Variants in ABI3BP observed in about 807,000 individuals in gnomAD.
The protein encoded by ABI3BP is ABI family member 3 binding protein, also known as target of Nesh-SH3.
A neutral mutation model predicts 268.6 loss-of-function variants in ABI3BP; 216 were observed. That is an observed-to-expected ratio of 0.80 (90% CI 0.72 to 0.90). The LOEUF (loss-of-function observed/expected upper bound fraction) is 0.90, where lower values mean the gene tolerates loss of function less well. Ranked by LOEUF, ABI3BP falls within the 40% of genes least tolerant of loss-of-function variation. The pLI, the probability that ABI3BP is intolerant of heterozygous loss-of-function variation, is 0.00. For missense variants in ABI3BP, 2,090 were observed against 2,182.4 expected (o/e 0.96, Z 0.84); for synonymous variants, 730 against 730.0 (o/e 1.00, Z 0.00).
chr3:100,941,515 G>C (rs2069226234), intron 1 of ABI3BP, among the ~76,000 whole-genome samples: 1 of 151,982 alleles, frequency 6.6e-6, no homozygotes, highest in Non-Finnish European at 1.5e-5. Flanking sequence ...TTCCTAATGG[G>C]GCACTTTATA....
chr3:100,974,707 A>C (rs1002888219), intron 1 of ABI3BP, among the ~76,000 whole-genome samples: 12 of 152,172 alleles, frequency 7.9e-5, no homozygotes, highest in Non-Finnish European at 1.5e-4. Flanking sequence ...TAGCAATTAG[A>C]TAGACAAAGG....
chr3:100,880,112 A>C (rs1299106881), intron 6 of ABI3BP, among the ~76,000 whole-genome samples: 1 of 152,138 alleles, frequency 6.6e-6, no homozygotes, highest in African/African-American at 2.4e-5. Flanking sequence ...ACCTTTCCTT[A>C]CTTTTTCTAG....
chr3:100,915,261 T>C (rs2058225265), intron 2 of ABI3BP, among the ~76,000 whole-genome samples: 2 of 152,116 alleles, frequency 1.3e-5, no homozygotes, highest in East Asian at 1.9e-4. Flanking sequence ...CTCCCTTCCC[T>C]GCAGGTCTGC....
At chr3:100,887,740 C>T (rs1297450088) in intron 4 of ABI3BP, among the ~76,000 whole-genome samples, 2 of 151,952 alleles carry the variant, frequency 1.3e-5, no homozygotes, top group Non-Finnish European at 2.9e-5. Context: ...TTATTTAAAG[C>T]TTTAAAAAAT....
intron 1 of ABI3BP, among the ~76,000 whole-genome samples, chr3:100,979,449 A>G (rs190268815): frequency 7.2e-5 from 11 of 152,334 alleles, no homozygotes; most frequent in Non-Finnish European, 1.6e-4. Flanking sequence ...ACAAAATAAT[A>G]AAGTCCCTAG....
chr3:100,958,454 TG>T (rs1260535608), intron 1 of ABI3BP, among the ~76,000 whole-genome samples: 1 of 152,238 alleles, frequency 6.6e-6, no homozygotes, highest in Non-Finnish European at 1.5e-5. Flanking sequence ...ATAAATATCC[TG>T]TAATGTATAC....
At chr3:100,799,427 A>T (rs2097454832) in intron 51 of ABI3BP, among the ~76,000 whole-genome samples, 1 of 152,148 alleles carries the variant, frequency 6.6e-6, no homozygotes, top group Non-Finnish European at 1.5e-5. Context: ...CATACTGCTC[A>T]CTGAATACAT....
intron 1 of ABI3BP, among the ~76,000 whole-genome samples, chr3:100,987,190 G>A (rs1576480513): frequency 6.6e-6 from 1 of 152,102 alleles, no homozygotes; most frequent in African/African-American, 2.4e-5. Flanking sequence ...TTTTTTCTGA[G>A]GGTGGTGATC....
chr3:100,826,589 CAT>C (rs1392621245), intron 34 of ABI3BP, among the ~76,000 whole-genome samples: 1 of 152,142 alleles, frequency 6.6e-6, no homozygotes, highest in Non-Finnish European at 1.5e-5. Context: ...ATAAAGAAAA[CAT>C]GTACTATATG....
chr3:100,794,787 A>C (rs1321110674), intron 54 of ABI3BP, 136 bp downstream of exon 54: 2 of 647,262 alleles, frequency 3.1e-6, no homozygotes, highest in Non-Finnish European at 5.4e-6. Context: ...CAGTTAATGT[A>C]AAAGTATTGA....
chr3:100,836,997 G>T, intron 27 of ABI3BP, 127 bp downstream of exon 27: 1 of 901,184 alleles, frequency 1.1e-6, no homozygotes, highest in Non-Finnish European at 1.6e-6. Flanking sequence ...GTTGAAAATA[G>T]TGAAAATTTT....
At chr3:100,778,500 T>C in intron 58 of ABI3BP, 124 bp from the exon 59 acceptor site, 1 of 799,554 alleles carries the variant, frequency 1.3e-6, no homozygotes, top group South Asian at 1.8e-5. Flanking sequence ...TGACAGAGAA[T>C]AGATTCTACA....
chr3:100,937,108 G>T (rs2066503171), intron 1 of ABI3BP, among the ~76,000 whole-genome samples: 1 of 151,980 alleles, frequency 6.6e-6, no homozygotes, highest in South Asian at 2.1e-4. Flanking sequence ...CCAACTTTTG[G>T]TTAATATCAT....
chr3:100,990,247 C>T (rs1465315097), intron 1 of ABI3BP, among the ~76,000 whole-genome samples: 1 of 152,142 alleles, frequency 6.6e-6, no homozygotes, highest in Non-Finnish European at 1.5e-5. Flanking sequence ...TTTTCTATGA[C>T]CCAATAAGGA....
intron 9 of ABI3BP, among the ~76,000 whole-genome samples, chr3:100,873,896 G>A (rs183638694): frequency 6.4e-4 from 98 of 152,246 alleles, no homozygotes; most frequent in African/African-American, 2.2e-3. Flanking sequence ...TTGGGCCTCC[G>A]TTTCTTTATC....
chr3:100,903,716 C>G (rs1386753377), intron 2 of ABI3BP, among the ~76,000 whole-genome samples: 1 of 152,202 alleles, frequency 6.6e-6, no homozygotes, highest in Admixed American at 6.5e-5. Context: ...CAGAGCTGAC[C>G]TCTTTTCAGA....
At chr3:100,932,283 A>G (rs1250617512) in intron 1 of ABI3BP, among the ~76,000 whole-genome samples, 1 of 152,096 alleles carries the variant, frequency 6.6e-6, no homozygotes, top group Non-Finnish European at 1.5e-5. Context: ...CATTCTGGAC[A>G]TAGGCCTTCG....
rs138458521 is a variant in ABI3BP, at chr3:100,906,890, A to G, written c.260-4204T>C. ...ATTGCAAGCCTCACTGCTTCAGAAT[A>G]TTGTCACAGGGAAGCTTAGTTCTGC... On this transcript the variant is annotated intron_variant, in intron 2 of 67. Coordinates refer to ENST00000471714, the MANE Select transcript of ABI3BP (RefSeq NM_001375547.2). Among the ~76,000 whole-genome samples the G allele has an allele frequency of 4.2e-3, 647 of 152,284 alleles. 4 individuals are homozygous for G. Among genetic ancestry groups the G allele is most frequent in the African/African-American group, 0.014 (600 of 41,558 alleles).
chr3:100,955,200 A>G (rs1311635280), intron 1 of ABI3BP, among the ~76,000 whole-genome samples: 1 of 151,890 alleles, frequency 6.6e-6, no homozygotes, highest in Non-Finnish European at 1.5e-5. Context: ...CAGTAAAAGA[A>G]CAGACTGGAT....
Sources: allele counts gnomAD v4.1 joint callset (sites outside exome capture counted in the v4.1 genomes callset), GRCh38; gene constraint gnomAD v4.1.1; transcripts MANE v1.5; gene names NCBI Gene and HGNC (gene_info 2026-07-23, HGNC 2026-07-21).